The following ADGRE1 variants were observed in gnomAD, a reference collection of about 807,000 sequenced individuals.
ADGRE1 encodes adhesion G protein-coupled receptor E1.
Under a neutral mutation model 102.7 loss-of-function variants are expected in ADGRE1, and 82 were observed. The observed-to-expected ratio is 0.80, with a 90% CI of 0.67 to 0.96. ADGRE1 has a LOEUF of 0.96. Ranked by LOEUF, ADGRE1 falls within the 40% of genes least tolerant of loss-of-function variation. The pLI, the probability that ADGRE1 is intolerant of heterozygous loss-of-function variation, is 0.00. For missense variants in ADGRE1, 1,032 were observed against 1,085.3 expected (o/e 0.95, Z 0.69); for synonymous variants, 398 against 399.6 (o/e 1.00, Z 0.05).
intron 5 of ADGRE1, chr19:6,897,914 TTTCCTTCC>T (rs5826951): frequency 0.074 from 11,749 of 159,178 alleles, 1,420 homozygotes; most frequent in African/African-American, 0.27. Flanking sequence ...GCAAACATGA[TTTCCTTCC>T]TTCCTTCCTT....
At chr19:6,900,390 TG>T (rs1021640802) in intron 5 of ADGRE1, among the ~76,000 whole-genome samples, 2 of 151,692 alleles carry the variant, frequency 1.3e-5, no homozygotes, top group African/African-American at 4.8e-5. Context: ...GAGGCTGAGG[TG>T]GGAGGATCAC....
intron 5 of ADGRE1, 44 bp from the exon 6 acceptor site, chr19:6,901,831 C>G: frequency 1.2e-6 from 2 of 1,606,786 alleles, no homozygotes; most frequent in Non-Finnish European, 1.7e-6. Flanking sequence ...CTACTCCTTG[C>G]TTTCTCATTT....
At chr19:6,917,904 A>G (rs1486467771) in intron 12 of ADGRE1, among the ~76,000 whole-genome samples, 1 of 152,166 alleles carries the variant, frequency 6.6e-6, no homozygotes, top group Non-Finnish European at 1.5e-5. Flanking sequence ...TGGCTGTGAT[A>G]TGGGCAATCC....
At chr19:6,939,443 G>T (rs1052449251) in intron 20 of ADGRE1, among the ~76,000 whole-genome samples, 11 of 152,098 alleles carry the variant, frequency 7.2e-5, no homozygotes, top group African/African-American at 2.7e-4. Flanking sequence ...TCCAGAATTA[G>T]GTGTTGCGAA....
At chr19:6,914,390 C>T (rs1343031124) in intron 11 of ADGRE1, among the ~76,000 whole-genome samples, 1 of 152,164 alleles carries the variant, frequency 6.6e-6, no homozygotes, top group African/African-American at 2.4e-5. Flanking sequence ...GAGATGTAAA[C>T]ACTTGTTATT....
At chr19:6,905,331 G>A (rs945815434) in intron 8 of ADGRE1, among the ~76,000 whole-genome samples, 1 of 151,516 alleles carries the variant, frequency 6.6e-6, no homozygotes, top group East Asian at 2.0e-4. Flanking sequence ...CTGGGTGACA[G>A]AGTGAGACCC....
chr19:6,892,526 A>AC (rs909886028), intron 2 of ADGRE1, among the ~76,000 whole-genome samples: 6 of 151,988 alleles, frequency 3.9e-5, no homozygotes, highest in Non-Finnish European at 7.4e-5. Context: ...AAGTGCAGTC[A>AC]CCCCCTCCTT....
rs2070929322 is a variant in ADGRE1, at chr19:6,894,620, C to T, written c.95-1778C>T. Among the ~76,000 whole-genome samples the T allele has an allele frequency of 2.0e-5, 3 of 152,234 alleles. 1 individual carries two copies. In the South Asian group the frequency reaches 6.2e-4, roughly 32 times the overall value. On this transcript the variant is annotated intron_variant, in intron 2 of 20. Transcript: ENST00000312053. ...TGTGGTTGGGTCTGGTCACTGGGGG[C>T]TTTGCAGTTCATGTTGAGTAATTTG... is the stretch of plus-strand genomic sequence containing the variant.
In ADGRE1 at chr19:6,901,736, A is replaced by G. The variant is rs547840627; in HGVS notation, c.515-139A>G. 3 of 897,156 alleles carry G rather than the reference A, an allele frequency of 3.3e-6. No individual in the cohort carries two copies. In the African/African-American group the frequency reaches 5.0e-5, roughly 15 times the overall value. The allele number at this position is 897,156 out of a possible 1,614,324, so 55.6% of individuals were successfully genotyped here. ...AAATATGTCCCACTGTGTGCCTGGG[A>G]AGAAGGGGGGAACATGGATATTGGG... is the stretch of plus-strand genomic sequence containing the variant. On this transcript the variant is annotated intron_variant, in intron 5 of 20. Coordinates refer to ENST00000312053, the MANE Select transcript of ADGRE1 (RefSeq NM_001974.5).
chr19:6,919,358 A>G (rs1974531539), intron 12 of ADGRE1, among the ~76,000 whole-genome samples, 190 bp from the exon 13 acceptor site: 1 of 144,716 alleles, frequency 6.9e-6, no homozygotes, highest in African/African-American at 2.6e-5. Flanking sequence ...ATGGTTCTAG[A>G]AGCCCGCTGG....
chr19:6,929,532 CT>C (rs34680038), intron 17 of ADGRE1, among the ~76,000 whole-genome samples: 2 of 145,746 alleles, frequency 1.4e-5, no homozygotes, highest in African/African-American at 5.1e-5. Context: ...TTTTTTTTTT[CT>C]TTTTTTTTAG....
At chr19:6,908,862 G>GAGCCACCACGCCCA in intron 10 of ADGRE1, 90 bp downstream of exon 10, 1 of 1,237,768 alleles carries the variant, frequency 8.1e-7, no homozygotes, top group Non-Finnish European at 1.1e-6. Flanking sequence ...GGCTGGGCGT[G>GAGCCACCACGCCCA]GTGGCTCACA....
At chr19:6,910,383 ACT>A (rs1311276282) in intron 10 of ADGRE1, among the ~76,000 whole-genome samples, 1 of 152,086 alleles carries the variant, frequency 6.6e-6, no homozygotes, top group Admixed American at 6.6e-5. Flanking sequence ...GTCCTGAGCG[ACT>A]CATAAATCCA....
At position 6,921,883 on chromosome 19, in the gene ADGRE1, G is replaced by T. The variant is rs779073302; in HGVS notation, c.1791G>T (p.Thr597=). 4.3e-6 allele frequency: 7 copies of T among 1,610,692 alleles called. No homozygotes were observed. The Admixed American group carries it at 5.1e-5, about 12-fold the overall frequency. The part of the protein sequence containing the change: ...LAVIMASGEL[T]MDFSLYIISH... Reference sequence around the variant, plus strand: ...TTATCATGGCGTCTGGGGAGCTCACGGTCAGTACTGATGATTTGTTCCCTG... The same window carrying T: ...TTATCATGGCGTCTGGGGAGCTCACTGTCAGTACTGATGATTTGTTCCCTG... Residue 597 remains threonine (T), a splice_region_variant and synonymous_variant, in exon 14 of 21, where the codon ACG becomes ACT. Transcript: ENST00000312053.
chr19:6,901,905 G>A lies in ADGRE1; in HGVS notation c.545G>A (p.Cys182Tyr). 6.2e-7 allele frequency: 1 copy of A among 1,614,134 alleles called. No individual in the cohort carries two copies. The highest frequency in any genetic ancestry group is 8.5e-7 in the Non-Finnish European group (1 of 1,179,998). The change falls in exon 6 of 21, where the codon TGC (cysteine) becomes TAC (tyrosine). Residue 182 changes from cysteine (C) to tyrosine (Y), a missense_variant. By Grantham distance (194) the Cys-to-Tyr change is radical. Coordinates refer to ENST00000312053, the MANE Select transcript of ADGRE1 (RefSeq NM_001974.5). ...GATGAATGTGCAGATCCAAGAGCTT[G>A]CCCAGAGCATGCAACTTGTAATAAC... Reference protein sequence around the residue: ...DVDECADPRACPEHATCNNTV... With the variant: ...DVDECADPRAYPEHATCNNTV...
In ADGRE1 at chr19:6,898,391, G is replaced by C. The variant is rs1054148290; in HGVS notation, c.514+844G>C. 7 of 1,601,674 alleles carry C rather than the reference G, an allele frequency of 4.4e-6. No individual in the cohort carries two copies. In the Admixed American group the frequency reaches 1.2e-4, roughly 27 times the overall value. On this transcript the variant is annotated intron_variant, in intron 5 of 20. Transcript: ENST00000312053. ...ATGTCAGGGAGGTACAAGTGCAGCT[G>C]TTTAGATGGTTTCTCTTCTCCCACT...
chr19:6,898,423 G>A (rs1407020001), intron 5 of ADGRE1: 1 of 1,601,148 alleles, frequency 6.2e-7, no homozygotes, highest in African/African-American at 1.3e-5. Flanking sequence ...CACTGGAAAT[G>A]ACTGGATCCC....
chr19:6,925,464 C>T lies in ADGRE1; in HGVS notation c.1986+592C>T, dbSNP rs577408851. On this transcript the variant is annotated intron_variant, in intron 15 of 20. Coordinates refer to ENST00000312053, the MANE Select transcript of ADGRE1 (RefSeq NM_001974.5). ...AAACCAGAGGTTCTCTCCCTGGGTG[C>T]TTTTTGTCCCCAGGGGAGACTTGGC... is the stretch of plus-strand genomic sequence containing the variant. Among the ~76,000 whole-genome samples the T allele has an allele frequency of 2.6e-5, 4 of 152,170 alleles. No homozygotes were observed. The East Asian group carries it at 5.8e-4, about 22-fold the overall frequency.
intron 13 of ADGRE1, 114 bp downstream of exon 13, chr19:6,919,861 C>A (rs1468307990): frequency 1.4e-5 from 14 of 984,772 alleles, no homozygotes; most frequent in Middle Eastern, 3.1e-4. Context: ...TAAGCTTCCA[C>A]AATTTCCAGC....
Sources: allele counts gnomAD v4.1 joint callset (sites outside exome capture counted in the v4.1 genomes callset), GRCh38; gene constraint gnomAD v4.1.1; transcripts MANE v1.5; gene names NCBI Gene and HGNC (gene_info 2026-07-23, HGNC 2026-07-21).